TPD52L1: variants seen among roughly 807,000 people sequenced by gnomAD.
The protein encoded by TPD52L1 is tumor protein D53.
In TPD52L1, 18 loss-of-function variants were observed where a neutral mutation model predicts 28.7. The ratio of observed to expected loss-of-function variants is 0.63; its 90% CI spans 0.43 to 0.93. The LOEUF (loss-of-function observed/expected upper bound fraction) is 0.93. Among genes scored for constraint, TPD52L1 ranks in the 40% least tolerant of loss-of-function variants. The pLI is 0.00. For synonymous variants in TPD52L1, 75 were observed against 88.8 expected (o/e 0.84, Z 0.88); for missense variants, 203 against 254.8 (o/e 0.80, Z 1.39).
intron 2 of TPD52L1, among the ~76,000 whole-genome samples, chr6:125,225,344 A>T (rs555503439): frequency 2.0e-4 from 31 of 152,290 alleles, no homozygotes; most frequent in Non-Finnish European, 4.4e-4. Flanking sequence ...ACCAGTTCTC[A>T]ATTCTTTGGG....
intron 1 of TPD52L1, among the ~76,000 whole-genome samples, chr6:125,191,428 C>A (rs1023769439): frequency 2.0e-5 from 3 of 152,082 alleles, no homozygotes; most frequent in Non-Finnish European, 4.4e-5. Flanking sequence ...GGACTTAATT[C>A]CTTTTCTTTG....
intron 1 of TPD52L1, chr6:125,214,541 A>C: frequency 1.4e-6 from 1 of 713,936 alleles, no homozygotes; most frequent in Non-Finnish European, 1.7e-6. Context: ...TTGCTATGCC[A>C]AGAGAGAAAT....
intron 1 of TPD52L1, among the ~76,000 whole-genome samples, chr6:125,184,148 C>T (rs1792421200): frequency 6.6e-6 from 1 of 152,126 alleles, no homozygotes; most frequent in Non-Finnish European, 1.5e-5. Context: ...AACTCTCAAA[C>T]TCAAAGCTGC....
In TPD52L1 at chr6:125,246,292, G is replaced by A. The variant is rs548410704; in HGVS notation, c.285-1990G>A. Among the ~76,000 whole-genome samples the A allele has an allele frequency of 3.9e-5, 6 of 152,086 alleles. No homozygotes were observed. The South Asian group carries it at 6.2e-4, about 16-fold the overall frequency. On this transcript the variant is annotated intron_variant, in intron 3 of 6. Coordinates refer to ENST00000534000, the MANE Select transcript of TPD52L1 (RefSeq NM_003287.4). The stretch of plus-strand genomic sequence containing the variant: ...TCAGAGGCAGGTTTTCTCTCCTCTC[G>A]CACTCTAGGAACTCAGTTTTTCACC...
At chr6:125,219,365 A>G (rs566632763) in intron 1 of TPD52L1, among the ~76,000 whole-genome samples, 7 of 152,314 alleles carry the variant, frequency 4.6e-5, no homozygotes, top group Non-Finnish European at 7.4e-5. Context: ...GGCTCTTCCC[A>G]TATTTTCCTC....
intron 5 of TPD52L1, among the ~76,000 whole-genome samples, chr6:125,256,354 GA>G (rs113832248): frequency 9.0e-4 from 135 of 149,432 alleles, no homozygotes; most frequent in Non-Finnish European, 1.7e-3. Context: ...TCAAAAAAAA[GA>G]AAAAAAAAGC....
chr6:125,259,174 T>C (rs1461727992), intron 6 of TPD52L1, among the ~76,000 whole-genome samples: 3 of 152,178 alleles, frequency 2.0e-5, no homozygotes, highest in Admixed American at 6.5e-5. Flanking sequence ...TAAAGATGAG[T>C]GGAATTTCTT....
At position 125,257,131 on chromosome 6, in the gene TPD52L1, G is replaced by A. The variant is rs754475361; in HGVS notation, c.459G>A (p.Arg153=). 1 of 1,612,068 alleles carries A rather than the reference G, an allele frequency of 6.2e-7. No individual in the cohort carries two copies. The highest frequency in any genetic ancestry group is 8.5e-7 in the Non-Finnish European group (1 of 1,178,628). ...NSPTFKSFEE[R]VETTVTSLKT... ...CTACTTTCAAATCATTTGAGGAGAG[G>A]GTTGAGACAACTGTCACAAGCCTCA... Residue 153 remains arginine, a synonymous_variant, in exon 6 of 7, where the codon AGG becomes AGA. Coordinates refer to ENST00000534000, the MANE Select transcript of TPD52L1 (RefSeq NM_003287.4).
At chr6:125,162,256 C>A (rs367715103) in intron 1 of TPD52L1, among the ~76,000 whole-genome samples, 5 of 152,102 alleles carry the variant, frequency 3.3e-5, no homozygotes, top group Admixed American at 3.3e-4. Context: ...AAATCATATA[C>A]CACTGTTTTA....
At chr6:125,256,438 G>A (rs1797605583) in intron 5 of TPD52L1, among the ~76,000 whole-genome samples, 1 of 152,178 alleles carries the variant, frequency 6.6e-6, no homozygotes, top group Admixed American at 6.5e-5. Context: ...AATAACGCAT[G>A]CTAATAACCT....
chr6:125,238,498 T>C (rs1411979151), intron 3 of TPD52L1, among the ~76,000 whole-genome samples: 1 of 152,034 alleles, frequency 6.6e-6, no homozygotes, highest in Admixed American at 6.6e-5. Context: ...CTTTTATCCC[T>C]CACCCCCCTC....
intron 6 of TPD52L1, chr6:125,259,957 A>G (rs1349685991): frequency 6.6e-6 from 1 of 152,248 alleles, no homozygotes; most frequent in Admixed American, 6.5e-5. Context: ...CATTAAACCT[A>G]CGTGGTTAGG....
chr6:125,161,400 A>G (rs1266805122), intron 1 of TPD52L1, among the ~76,000 whole-genome samples: 1 of 152,184 alleles, frequency 6.6e-6, no homozygotes, highest in East Asian at 1.9e-4. Flanking sequence ...ATAGCATGCT[A>G]CGTTTCTTTC....
Position 125,229,267 on chromosome 6 carries a change from G to A in TPD52L1, c.284+1G>A, listed in dbSNP as rs1031420694. The stretch of plus-strand genomic sequence containing the variant: ...GGCATGACATGCAGACTACCACTGC[G>A]TAAGTATCATATGAACAGTGTTTTA... On this transcript the variant is annotated splice_donor_variant, in intron 3 of 6. Coordinates refer to ENST00000534000, the MANE Select transcript of TPD52L1 (RefSeq NM_003287.4). LOFTEE classifies it high-confidence loss of function. 6.2e-6 allele frequency: 10 copies of A among 1,610,462 alleles called. No homozygotes were observed. In the East Asian group the frequency reaches 6.7e-5, roughly 11 times the overall value.
Position 125,229,181 on chromosome 6 carries a change from A to T in TPD52L1, c.199A>T (p.Ile67Leu). Residue 67 changes from isoleucine (I) to leucine (L), a missense_variant, in exon 3 of 7, where the codon ATA (isoleucine) becomes TTA (leucine). Coordinates refer to ENST00000534000, the MANE Select transcript of TPD52L1 (RefSeq NM_003287.4). Reference sequence around the variant, plus strand: ...AGCGAAAGAAAGGCATCTAGTTGAGATAAAACAAAAACTCGGCATGAACCT... The same window carrying T: ...AGCGAAAGAAAGGCATCTAGTTGAGTTAAAACAAAAACTCGGCATGAACCT... ...LSAKERHLVE[I>L]KQKLGMNLMN... The T allele has an allele frequency of 1.2e-6, 2 of 1,613,874 alleles. No individual in the cohort carries two copies. Among genetic ancestry groups the T allele is most frequent in the Non-Finnish European group, 1.7e-6 (2 of 1,179,880 alleles).
rs1798152970 is a variant in TPD52L1, at chr6:125,263,108, A to C, written c.*146A>C. The C allele has an allele frequency of 1.0e-6, 1 of 955,818 alleles. No homozygotes were observed. Among genetic ancestry groups the C allele is most frequent in the Non-Finnish European group, 1.5e-6 (1 of 667,714 alleles). 59.2% of individuals were successfully genotyped at this position (955,818 alleles called of 1,614,324 possible). A position where few individuals can be genotyped will look rare whatever the true frequency, so the allele number is the denominator to read the frequency against. Reference sequence around the variant, plus strand: ...TTCAAATGGCCCCTCCAGAAAGTTTAATGATTTCCATTTGTATTTGTGTTG... The same window carrying C: ...TTCAAATGGCCCCTCCAGAAAGTTTCATGATTTCCATTTGTATTTGTGTTG... On this transcript the variant is annotated 3_prime_UTR_variant, in exon 7 of 7. Coordinates refer to ENST00000534000, the MANE Select transcript of TPD52L1 (RefSeq NM_003287.4).
At chr6:125,246,987 C>T (rs557378776) in intron 3 of TPD52L1, among the ~76,000 whole-genome samples, 79 of 152,016 alleles carry the variant, frequency 5.2e-4, no homozygotes, top group African/African-American at 1.9e-3. Context: ...TAGACAGATT[C>T]CATTCTGCTC....
intron 1 of TPD52L1, among the ~76,000 whole-genome samples, chr6:125,177,366 T>C (rs3778463): frequency 0.048 from 7,379 of 152,244 alleles, 409 homozygotes; most frequent in East Asian, 0.33. Context: ...GAAGTCATCC[T>C]CCTTTTTTTT....
At chr6:125,189,497 C>T (rs1332760412) in intron 1 of TPD52L1, among the ~76,000 whole-genome samples, 4 of 152,216 alleles carry the variant, frequency 2.6e-5, no homozygotes, top group Non-Finnish European at 5.9e-5. Context: ...GCCTCTTTTA[C>T]AATATACCTA....
Sources: gnomAD v4.1 joint callset for allele counts (sites outside exome capture counted in the v4.1 genomes callset) on GRCh38, gnomAD v4.1.1 for gene constraint, MANE v1.5 for transcripts, NCBI Gene and HGNC (gene_info 2026-07-23, HGNC 2026-07-21) for gene names.